Variants in DGKB observed in about 807,000 individuals in gnomAD.
DGKB encodes 90 kDa diacylglycerol kinase.
In DGKB, 67 loss-of-function variants were observed where a neutral mutation model predicts 114.3. The ratio of observed to expected loss-of-function variants is 0.59; its 90% CI spans 0.48 to 0.72. The LOEUF (loss-of-function observed/expected upper bound fraction) is 0.72. Ranked by LOEUF, DGKB falls within the 30% of genes least tolerant of loss-of-function variation. The probability of loss-of-function intolerance (pLI) is 0.00; values close to 1 mark genes in which losing one functional copy is unlikely to be tolerated. For missense variants in DGKB, 907 were observed against 975.2 expected (o/e 0.93, Z 0.93); for synonymous variants, 398 against 323.1 (o/e 1.23, Z -2.49).
At chr7:14,923,487 T>C (rs1266774016) in intron 1 of DGKB, among the ~76,000 whole-genome samples, 1 of 152,226 alleles carries the variant, frequency 6.6e-6, no homozygotes, top group East Asian at 1.9e-4. Context: ...TTGTAGAATA[T>C]GCAAGTTAGA....
At chr7:14,936,596 G>A (rs752272487) in intron 1 of DGKB, among the ~76,000 whole-genome samples, 3 of 152,100 alleles carry the variant, frequency 2.0e-5, no homozygotes, top group Non-Finnish European at 2.9e-5. Context: ...GGAAAGGAAG[G>A]AAAAAGACTT....
chr7:14,666,752 T>C (rs1487342218), intron 13 of DGKB, among the ~76,000 whole-genome samples: 1 of 151,956 alleles, frequency 6.6e-6, no homozygotes, highest in African/African-American at 2.4e-5. Context: ...GAACTATAGC[T>C]ATAATTGTTA....
intron 23 of DGKB, among the ~76,000 whole-genome samples, chr7:14,208,485 C>G (rs1301715236): frequency 6.6e-6 from 1 of 152,022 alleles, no homozygotes; most frequent in Non-Finnish European, 1.5e-5. Flanking sequence ...CAGTTTCCCT[C>G]CCTTTTGCTG....
At chr7:14,581,118 G>A (rs577851753) in intron 18 of DGKB, among the ~76,000 whole-genome samples, 167 bp from the exon 19 acceptor site, 16 of 152,282 alleles carry the variant, frequency 1.1e-4, no homozygotes, top group African/African-American at 3.6e-4. Flanking sequence ...TGGATAATTT[G>A]TATACATTTG....
chr7:14,478,125 ACTATAT>A, intron 21 of DGKB, 30 bp downstream of exon 21: 2 of 1,453,884 alleles, frequency 1.4e-6, no homozygotes, highest in Non-Finnish European at 1.9e-6. Flanking sequence ...AAATTCAGCA[ACTATAT>A]CTATAATTTC....
At chr7:14,894,339 G>A (rs1263997603) in intron 1 of DGKB, among the ~76,000 whole-genome samples, 2 of 151,294 alleles carry the variant, frequency 1.3e-5, no homozygotes, top group South Asian at 2.1e-4. Context: ...TCAGCAAAAC[G>A]CATATTAGAG....
chr7:14,657,308 C>G (rs1373882600), intron 13 of DGKB, among the ~76,000 whole-genome samples: 1 of 151,578 alleles, frequency 6.6e-6, no homozygotes, highest in African/African-American at 2.4e-5. Context: ...GGCAGCTATC[C>G]TTTATGAATA....
At chr7:14,382,172 G>A (rs1819582217) in intron 21 of DGKB, among the ~76,000 whole-genome samples, 1 of 152,188 alleles carries the variant, frequency 6.6e-6, no homozygotes, top group Non-Finnish European at 1.5e-5. Context: ...GTAGCTGCAT[G>A]TAGATGCAGT....
intron 13 of DGKB, among the ~76,000 whole-genome samples, chr7:14,652,362 CG>C (rs1213722419): frequency 3.3e-5 from 5 of 151,978 alleles, no homozygotes; most frequent in Non-Finnish European, 7.4e-5. Context: ...TACAACTATC[CG>C]ATCTTTGACA....
rs1166121033 is a variant in DGKB at position 14,841,269 on chromosome 7, T to C, written c.-6A>G. The C allele has an allele frequency of 6.2e-7, 1 of 1,613,282 alleles. No homozygotes were observed. The highest frequency in any genetic ancestry group is 8.5e-7 in the Non-Finnish European group (1 of 1,179,618). On this transcript the variant is annotated 5_prime_UTR_variant, in exon 2 of 26. Transcript: ENST00000402815. ...CATTTTTCCTGGTTTGTCATGGTGG[T>C]GGTGAGAAGCTCTGTCACATACCAG...
chr7:14,574,565 G>T (rs1198203964), intron 19 of DGKB, among the ~76,000 whole-genome samples, 193 bp from the exon 20 acceptor site: 4 of 152,062 alleles, frequency 2.6e-5, no homozygotes, highest in African/African-American at 9.7e-5. Flanking sequence ...AACTTTAATT[G>T]GTAACATGTA....
intron 21 of DGKB, among the ~76,000 whole-genome samples, chr7:14,461,066 C>G (rs550502092): frequency 6.6e-6 from 1 of 152,256 alleles, no homozygotes; most frequent in Admixed American, 6.5e-5. Context: ...AACAAAGACA[C>G]AATGTACCAG....
rs144396453 is a variant in DGKB at position 14,823,648 on chromosome 7, C to A, written c.70+17546G>T. 3.0e-3 allele frequency among the ~76,000 whole-genome samples: 459 copies of A among 152,096 alleles called. 1 individual carries two copies. The highest frequency in any genetic ancestry group is 9.6e-3 in the Admixed American group (146 of 15,260). On this transcript the variant is annotated intron_variant, in intron 2 of 25. Transcript: ENST00000402815. ...AAAAAACAATGTTTAGAATTTGTTA[C>A]CCCAAACAAAATAACAGCAATTAAA...
intron 25 of DGKB, among the ~76,000 whole-genome samples, chr7:14,163,747 C>T (rs1055717107): frequency 6.6e-6 from 1 of 152,176 alleles, no homozygotes; most frequent in African/African-American, 2.4e-5. Flanking sequence ...AATCCCAGCA[C>T]TTTGTGGGAG....
chr7:14,171,202 G>T (rs1239813739), intron 25 of DGKB, among the ~76,000 whole-genome samples: 1 of 152,008 alleles, frequency 6.6e-6, no homozygotes, highest in Non-Finnish European at 1.5e-5. Flanking sequence ...AGGCAAAGAG[G>T]GGTTAAAACA....
chr7:14,930,116 G>C (rs1016111075), intron 1 of DGKB, among the ~76,000 whole-genome samples: 2 of 152,040 alleles, frequency 1.3e-5, no homozygotes, highest in Non-Finnish European at 2.9e-5. Flanking sequence ...TGCTGTTTTT[G>C]TTACTATAGC....
intron 21 of DGKB, among the ~76,000 whole-genome samples, chr7:14,437,532 T>A (rs1048957595): frequency 9.2e-5 from 14 of 151,972 alleles, no homozygotes; most frequent in Admixed American, 4.6e-4. Flanking sequence ...TAAAAATTAT[T>A]TACTTACCAA....
intron 1 of DGKB, among the ~76,000 whole-genome samples, chr7:14,916,858 T>C (rs1784262743): frequency 1.3e-5 from 2 of 152,024 alleles, no homozygotes; most frequent in Admixed American, 6.6e-5. Context: ...CACATTCCCA[T>C]GGGGCACTCA....
In DGKB at chr7:14,729,176, G is replaced by C. The variant is rs530831114; in HGVS notation, c.322+6865C>G. Among the ~76,000 whole-genome samples, 12 of 137,370 alleles carry C rather than the reference G, an allele frequency of 8.7e-5. No homozygotes were observed. The South Asian group carries it at 1.1e-3, about 13-fold the overall frequency. 90.1% of individuals were successfully genotyped at this position (137,370 alleles called of 152,430 possible). ...CTCACTCTGTTGCCCAGGCTGGAGTGCAGTGGCGCCATCTCGGCTCACTGC... is the reference window on the plus strand; with the variant it reads ...CTCACTCTGTTGCCCAGGCTGGAGTCCAGTGGCGCCATCTCGGCTCACTGC... On this transcript the variant is annotated intron_variant, in intron 5 of 25. Coordinates refer to ENST00000402815, the MANE Select transcript of DGKB (RefSeq NM_001350709.2).
Sources: gnomAD v4.1 joint callset for allele counts (sites outside exome capture counted in the v4.1 genomes callset) on GRCh38, gnomAD v4.1.1 for gene constraint, MANE v1.5 for transcripts, NCBI Gene and HGNC (gene_info 2026-07-23, HGNC 2026-07-21) for gene names.